The following LRP1B variants were observed in gnomAD, a reference collection of about 807,000 sequenced individuals.
The protein encoded by LRP1B is low-density lipoprotein receptor-related protein 1B.
LRP1B carries 217 observed loss-of-function variants against 556.6 expected under a neutral mutation model. The observed-to-expected ratio is 0.39, with a 90% CI of 0.35 to 0.44. LRP1B has a LOEUF of 0.44. LRP1B is among the 20% of genes least tolerant of loss of function. The pLI is 1.00. For missense variants in LRP1B, 5,053 were observed against 5,620.8 expected, an observed-to-expected ratio of 0.90 and a Z score of 3.23; for synonymous variants, 2,047 against 1,865.8, an observed-to-expected ratio of 1.10 and a Z score of -2.50.
chr2:140,803,311 G>C (rs1240217226), intron 32 of LRP1B, among the ~76,000 whole-genome samples: 1 of 113,820 alleles, frequency 8.8e-6, no homozygotes, highest in African/African-American at 3.6e-5. Flanking sequence ...GTCTCCCTCT[G>C]TCTCCCAGGC....
chr2:140,409,389 T>C (rs1684878131), intron 66 of LRP1B, among the ~76,000 whole-genome samples: 1 of 152,006 alleles, frequency 6.6e-6, no homozygotes, highest in Non-Finnish European at 1.5e-5. Flanking sequence ...ACAAGATATA[T>C]TGACTGGAAG....
rs558496375 is a variant in LRP1B at position 141,059,050 on chromosome 2, C to T, written c.1241G>A (p.Arg414Lys). Reference protein sequence around the residue: ...RHTVIQGRQVRHLYGITVFED... With the variant: ...RHTVIQGRQVKHLYGITVFED... ...AAACACAGTTATACCATAAAGATGT[C>T]TAACCTATAAAGAGGGCAAAACATA... is the stretch of plus-strand genomic sequence containing the variant. The change falls in exon 9 of 91, where the codon AGA becomes AAA. Residue 414 changes from arginine (R) to lysine (K), a missense_variant. Physicochemically the swap from Arg to Lys is conservative, Grantham distance 26. Coordinates refer to ENST00000389484, the MANE Select transcript of LRP1B (RefSeq NM_018557.3). 2 of 1,536,892 alleles carry T rather than the reference C, an allele frequency of 1.3e-6. No individual in the cohort carries two copies. Among genetic ancestry groups the T allele is most frequent in the South Asian group, 2.6e-5 (2 of 77,542 alleles).
At chr2:140,882,398 C>T (rs946085676) in intron 25 of LRP1B, among the ~76,000 whole-genome samples, 4 of 152,166 alleles carry the variant, frequency 2.6e-5, no homozygotes, top group Middle Eastern at 3.4e-3. Flanking sequence ...ATAGGTAAAA[C>T]GTAGACTACA....
At chr2:141,688,841 A>G (rs2105441987) in intron 2 of LRP1B, among the ~76,000 whole-genome samples, 1 of 152,004 alleles carries the variant, frequency 6.6e-6, no homozygotes, top group Non-Finnish European at 1.5e-5. Flanking sequence ...TTTACCTAGG[A>G]TGGATGGGTA....
At chr2:140,596,892 C>T (rs142047619) in intron 43 of LRP1B, among the ~76,000 whole-genome samples, 2 of 152,236 alleles carry the variant, frequency 1.3e-5, no homozygotes, top group East Asian at 3.9e-4. Context: ...GTGCTTGGCA[C>T]AGTATCTAGA....
rs1686591815 is a variant in LRP1B at position 140,700,445 on chromosome 2, G to C, written c.6604C>G (p.Leu2202Val). Residue 2202 changes from leucine (L) to valine (V), a missense_variant, in exon 41 of 91, where the codon CTT becomes GTT. By Grantham distance (32) the Leu-to-Val change is conservative. Around this residue, in one of 5 missense-constraint regions of LRP1B, gnomAD observed 3,619 missense variants for 3,931.9 expected, o/e 0.92. Coordinates refer to ENST00000389484, the MANE Select transcript of LRP1B (RefSeq NM_018557.3). ...GAATTTAAATTGGTTTCATCAGAAA[G>C]ATGTATACTTTTTAATATTGTTCTT... ...SGRTILKSIHLSDETNLNSPI... is the reference protein window; with the variant it reads ...SGRTILKSIHVSDETNLNSPI... 6.2e-7 allele frequency: 1 copy of C among 1,613,282 alleles called. No homozygotes were observed. Among genetic ancestry groups the C allele is most frequent in the Non-Finnish European group, 8.5e-7 (1 of 1,179,464 alleles).
rs149748326 is a variant in LRP1B at position 140,626,112 on chromosome 2, G to T, written c.6800-24473C>A. 5.4e-3 allele frequency among the ~76,000 whole-genome samples: 815 copies of T among 152,242 alleles called. 7 individuals carry two copies. Among genetic ancestry groups the T allele is most frequent in the Middle Eastern group, 0.031 (9 of 294 alleles). ...CTTAAATGCATATTACTAAATTAAAGAAGCCAATCTGTAAAGGCTGCATAC... is the reference window on the plus strand; with the variant it reads ...CTTAAATGCATATTACTAAATTAAATAAGCCAATCTGTAAAGGCTGCATAC... On this transcript the variant is annotated intron_variant, in intron 41 of 90. Transcript: ENST00000389484.
Position 140,484,521 on chromosome 2 carries a change from A to G in LRP1B, c.9425+822T>C, listed in dbSNP as rs117969192. On this transcript the variant is annotated intron_variant, in intron 59 of 90. Coordinates refer to ENST00000389484, the MANE Select transcript of LRP1B (RefSeq NM_018557.3). ...GAATGTGTCCTATTTCAAAACATCAACCTTTCTTTAAATTTGTTATTTTAC... is the reference window on the plus strand; with the variant it reads ...GAATGTGTCCTATTTCAAAACATCAGCCTTTCTTTAAATTTGTTATTTTAC... Among the ~76,000 whole-genome samples, 96 of 152,192 alleles carry G rather than the reference A, an allele frequency of 6.3e-4. No individual in the cohort carries two copies. The East Asian group carries it at 0.018, about 29-fold the overall frequency.
intron 21 of LRP1B, among the ~76,000 whole-genome samples, chr2:140,918,460 G>A (rs1167734325): frequency 6.6e-6 from 1 of 151,890 alleles, no homozygotes; most frequent in Non-Finnish European, 1.5e-5. Flanking sequence ...TGGAATTGTG[G>A]GTAAAATTGG....
At chr2:140,387,901 T>A (rs1175701128) in intron 66 of LRP1B, among the ~76,000 whole-genome samples, 1 of 152,052 alleles carries the variant, frequency 6.6e-6, no homozygotes, top group African/African-American at 2.4e-5. Flanking sequence ...AACATTAGTC[T>A]TATTTACTCC....
intron 14 of LRP1B, among the ~76,000 whole-genome samples, chr2:141,009,847 T>C (rs1388628607): frequency 6.6e-6 from 1 of 151,960 alleles, no homozygotes; most frequent in Admixed American, 6.6e-5. Context: ...AGATATAAAA[T>C]TTTGAGAAAT....
At chr2:141,222,491 G>A (rs1426419023) in intron 6 of LRP1B, among the ~76,000 whole-genome samples, 1 of 152,078 alleles carries the variant, frequency 6.6e-6, no homozygotes, top group African/African-American at 2.4e-5. Context: ...ACTATTCCAA[G>A]CAACTGAAAA....
intron 18 of LRP1B, among the ~76,000 whole-genome samples, chr2:140,978,990 T>C (rs983101084): frequency 1.3e-5 from 2 of 152,116 alleles, no homozygotes; most frequent in African/African-American, 4.8e-5. Flanking sequence ...TTTTATTTTA[T>C]TTTTTTGAGA....
At chr2:142,038,296 A>G (rs1703954843) in intron 1 of LRP1B, among the ~76,000 whole-genome samples, 1 of 151,580 alleles carries the variant, frequency 6.6e-6, no homozygotes, top group Non-Finnish European at 1.5e-5. Context: ...TCCCCGATGT[A>G]ATTGGAGCCT....
rs550183140 is a variant in LRP1B, at chr2:141,614,080, C to CAA, written c.206-133549_206-133548dup. On this transcript the variant is annotated intron_variant, in intron 2 of 90. Coordinates refer to ENST00000389484, the MANE Select transcript of LRP1B (RefSeq NM_018557.3). ...GGGCGATAAGAGCAAAACTCAGCCT[C>CAA]AAAAAAAAAAAAAAAAAAAAAGAAA... Among the ~76,000 whole-genome samples, 9 of 47,354 alleles carry CAA rather than the reference C, an allele frequency of 1.9e-4. 1 individual carries two copies. The highest frequency in any genetic ancestry group is 5.3e-4 in the African/African-American group (6 of 11,342). 31.1% of individuals were successfully genotyped at this position (47,354 alleles called of 152,430 possible). A position where few individuals can be genotyped will look rare whatever the true frequency, so the allele number is the denominator to read the frequency against.
At chr2:142,055,870 G>A (rs1003071643) in intron 1 of LRP1B, among the ~76,000 whole-genome samples, 7 of 152,052 alleles carry the variant, frequency 4.6e-5, no homozygotes, top group Middle Eastern at 6.3e-3. Context: ...TTCACAATAC[G>A]CCGGGCACAG....
chr2:140,292,755 G>A (rs1003290229), intron 84 of LRP1B, among the ~76,000 whole-genome samples: 1 of 152,088 alleles, frequency 6.6e-6, no homozygotes, highest in East Asian at 1.9e-4. Context: ...CTTTCTTAAT[G>A]CCGAACATAG....
At chr2:141,611,586 T>A (rs1688109999) in intron 2 of LRP1B, among the ~76,000 whole-genome samples, 1 of 152,074 alleles carries the variant, frequency 6.6e-6, no homozygotes, top group Non-Finnish European at 1.5e-5. Flanking sequence ...GTGCTAAGAG[T>A]TGTGCTTCAG....
chr2:141,218,762 C>T (rs997767098), intron 6 of LRP1B, among the ~76,000 whole-genome samples: 2 of 152,132 alleles, frequency 1.3e-5, no homozygotes, highest in Admixed American at 6.5e-5. Context: ...TACATGTACC[C>T]CTGAATCTAC....
Sources: allele counts gnomAD v4.1 joint callset (sites outside exome capture counted in the v4.1 genomes callset), GRCh38; gene constraint gnomAD v4.1.1; regional missense constraint gnomAD v4.1.1; transcripts MANE v1.5; gene names NCBI Gene and HGNC (gene_info 2026-07-23, HGNC 2026-07-21).